HPSE2: variants seen among roughly 807,000 people sequenced by gnomAD.
HPSE2 encodes heparanase 2 (inactive).
Under a neutral mutation model 60.5 loss-of-function variants are expected in HPSE2, and 38 were observed. The observed-to-expected ratio is 0.63, with a 90% CI of 0.48 to 0.82. The LOEUF (loss-of-function observed/expected upper bound fraction) is 0.82. Among genes scored for constraint, HPSE2 ranks in the 40% least tolerant of loss-of-function variants. The probability of loss-of-function intolerance (pLI) is 0.00; values close to 1 mark genes in which losing one functional copy is unlikely to be tolerated. For synonymous variants in HPSE2, 295 were observed against 293.2 expected (o/e 1.01, Z -0.06); for missense variants, 713 against 740.4 (o/e 0.96, Z 0.43).
At position 98,721,725 on chromosome 10, in the gene HPSE2, A is replaced by G; in HGVS notation, c.888T>C (p.Tyr296=). ...LKSLLQPIRI[Y]SRASLYGPNI... Reference sequence around the variant, plus strand: ...TAGGGCCATATAAGCTGGCTCTGGAATAAATCCGGATGGGCTGCAACAGGC... The same window carrying G: ...TAGGGCCATATAAGCTGGCTCTGGAGTAAATCCGGATGGGCTGCAACAGGC... The change falls in exon 5 of 12, where the codon TAT becomes TAC. Residue 296 remains tyrosine (Y), a synonymous_variant. Transcript: ENST00000370552. The G allele has an allele frequency of 1.2e-6, 2 of 1,613,870 alleles. No individual in the cohort carries two copies. The highest frequency in any genetic ancestry group is 1.7e-6 in the Non-Finnish European group (2 of 1,179,926).
intron 3 of HPSE2, among the ~76,000 whole-genome samples, chr10:99,060,041 T>A (rs1958199835): frequency 6.6e-6 from 1 of 150,862 alleles, no homozygotes; most frequent in Non-Finnish European, 1.5e-5. Flanking sequence ...ATACAACATC[T>A]CCCCACACAC....
upstream of HPSE2, chr10:99,236,001 T>TC (rs1451955792): frequency 1.6e-4 from 76 of 472,900 alleles, no homozygotes; most frequent in Non-Finnish European, 2.6e-4. Flanking sequence ...GTTTTTTTCT[T>TC]TTTTTTTTTT....
intron 3 of HPSE2, among the ~76,000 whole-genome samples, chr10:99,070,843 A>G (rs575341044): frequency 6.6e-6 from 1 of 152,238 alleles, no homozygotes; most frequent in African/African-American, 2.4e-5. Context: ...AGATTTCCTT[A>G]TTTTGTAAGG....
rs149047432 is a variant in HPSE2 at position 98,810,999 on chromosome 10, C to A, written c.611-66943G>T. On this transcript the variant is annotated intron_variant, in intron 3 of 11. Coordinates refer to ENST00000370552, the MANE Select transcript of HPSE2 (RefSeq NM_021828.5). ...CTACAAACCCTTTAATGGCTTCCTA[C>A]CGCTCTTAAGATAAAAAATTACTGT... Among the ~76,000 whole-genome samples the A allele has an allele frequency of 9.2e-5, 14 of 152,138 alleles. No individual in the cohort carries two copies. In the East Asian group the frequency reaches 2.7e-3, roughly 29 times the overall value.
chr10:98,828,092 G>A (rs771015081), intron 3 of HPSE2, among the ~76,000 whole-genome samples: 3 of 152,116 alleles, frequency 2.0e-5, no homozygotes, highest in Admixed American at 6.5e-5. Context: ...AGCCTACCCT[G>A]CAGATTTAGA....
At chr10:98,960,661 G>C (rs1955630735) in intron 3 of HPSE2, among the ~76,000 whole-genome samples, 1 of 138,152 alleles carries the variant, frequency 7.2e-6, no homozygotes, top group South Asian at 2.3e-4. Context: ...AATACAACAT[G>C]AGTTCATCTT....
chr10:98,802,203 A>G (rs2134529871), intron 3 of HPSE2, among the ~76,000 whole-genome samples: 1 of 152,316 alleles, frequency 6.6e-6, no homozygotes, highest in Middle Eastern at 3.4e-3. Flanking sequence ...CTTAAATGTT[A>G]GACCTCAAAC....
At chr10:98,878,404 C>A (rs1357138568) in intron 3 of HPSE2, among the ~76,000 whole-genome samples, 1 of 151,920 alleles carries the variant, frequency 6.6e-6, no homozygotes. Context: ...TGCTAGGTGG[C>A]ACAGTTAAAC....
chr10:99,072,273 T>G (rs1436634541), intron 3 of HPSE2, among the ~76,000 whole-genome samples: 1 of 152,084 alleles, frequency 6.6e-6, no homozygotes, highest in African/African-American at 2.4e-5. Context: ...CAAAAACAAT[T>G]TGCAACTAAA....
chr10:98,992,592 T>A (rs948211631), intron 3 of HPSE2, among the ~76,000 whole-genome samples: 1 of 152,170 alleles, frequency 6.6e-6, no homozygotes. Context: ...GGCATTGGGC[T>A]AGATCTGTCA....
the HPSE2 span, among the ~76,000 whole-genome samples, chr10:99,252,136 C>G: frequency 2.0e-5 from 3 of 151,890 alleles, no homozygotes; most frequent in South Asian, 2.1e-4. Flanking sequence ...GATAGAAACC[C>G]CCAAGAAACT....
Position 98,482,493 on chromosome 10 carries a change from T to C in HPSE2, c.1613+143A>G, listed in dbSNP as rs887382666. ...ACATGTTCCCAAAAGGAGTCAGCAG[T>C]CACCTGACCCCAGACCGCTCTTTGT... On this transcript the variant is annotated intron_variant, in intron 11 of 11. Coordinates refer to ENST00000370552, the MANE Select transcript of HPSE2 (RefSeq NM_021828.5). 4.2e-6 allele frequency: 4 copies of C among 945,798 alleles called. No homozygotes were observed. The Admixed American group carries it at 5.3e-5, about 12-fold the overall frequency. The allele number at this position is 945,798 out of a possible 1,614,324, so 58.6% of individuals were successfully genotyped here.
intron 9 of HPSE2, among the ~76,000 whole-genome samples, chr10:98,568,581 A>T (rs538546743): frequency 2.0e-5 from 3 of 152,322 alleles, no homozygotes; most frequent in Admixed American, 6.5e-5. Context: ...GGCTTCTGGA[A>T]GAAGTGTGGC....
intron 3 of HPSE2, among the ~76,000 whole-genome samples, chr10:98,965,917 C>G (rs560839443): frequency 6.6e-6 from 1 of 151,348 alleles, no homozygotes; most frequent in African/African-American, 2.4e-5. Context: ...TGAGATGGAG[C>G]CTCACTCTAT....
intron 5 of HPSE2, among the ~76,000 whole-genome samples, chr10:98,718,642 G>A (rs1249143338): frequency 2.0e-5 from 3 of 152,034 alleles, no homozygotes; most frequent in African/African-American, 2.4e-5. Context: ...TCAGCAACAC[G>A]GATGGAACTG....
chr10:98,837,731 G>A (rs1328643707), intron 3 of HPSE2, among the ~76,000 whole-genome samples: 2 of 152,016 alleles, frequency 1.3e-5, no homozygotes, highest in African/African-American at 2.4e-5. Flanking sequence ...AAAATTAGCC[G>A]GGCGTGGTGG....
intron 6 of HPSE2, among the ~76,000 whole-genome samples, chr10:98,691,825 C>T (rs1013999804): frequency 1.6e-4 from 24 of 152,152 alleles, no homozygotes; most frequent in African/African-American, 5.8e-4. Flanking sequence ...AAAATAGTCC[C>T]TAACTCATTT....
chr10:99,279,743 C>T, the HPSE2 span, among the ~76,000 whole-genome samples: 1 of 152,174 alleles, frequency 6.6e-6, no homozygotes, highest in Non-Finnish European at 1.5e-5. Context: ...CAAACAAAAC[C>T]CATGGGAAAC....
At chr10:98,508,756 C>T (rs904970921) in intron 9 of HPSE2, among the ~76,000 whole-genome samples, 21 of 152,064 alleles carry the variant, frequency 1.4e-4, no homozygotes, top group Admixed American at 3.3e-4. Flanking sequence ...AAAGAGCATA[C>T]GCAAATACTG....
Sources: allele counts gnomAD v4.1 joint callset (sites outside exome capture counted in the v4.1 genomes callset), GRCh38; gene constraint gnomAD v4.1.1; transcripts MANE v1.5; gene names NCBI Gene and HGNC (gene_info 2026-07-23, HGNC 2026-07-21).